BRINP1: variants seen among roughly 807,000 people sequenced by gnomAD.
BRINP1 encodes BMP/retinoic acid-inducible neural-specific protein 1.
A neutral mutation model predicts 72.9 loss-of-function variants in BRINP1; 17 were observed. The observed-to-expected ratio is 0.23, with a 90% CI of 0.16 to 0.35. The LOEUF is 0.35. Ranked by LOEUF, BRINP1 falls within the 10% of genes least tolerant of loss-of-function variation. BRINP1 has a pLI of 1.00. For synonymous variants in BRINP1, 418 were observed against 378.5 expected, an observed-to-expected ratio of 1.10 and a Z score of -1.21; for missense variants, 850 against 1,001.6, an observed-to-expected ratio of 0.85 and a Z score of 2.04.
At chr9:119,223,771 T>A (rs1480966096) in intron 5 of BRINP1, among the ~76,000 whole-genome samples, 1 of 152,066 alleles carries the variant, frequency 6.6e-6, no homozygotes, top group African/African-American at 2.4e-5. Flanking sequence ...TTTCACAATA[T>A]TACAGCTTGA....
At chr9:119,185,934 G>A (rs940965816) in intron 7 of BRINP1, among the ~76,000 whole-genome samples, 6 of 152,204 alleles carry the variant, frequency 3.9e-5, no homozygotes, top group African/African-American at 7.2e-5. Flanking sequence ...TAGCCACTGC[G>A]CTTCTCCATC....
Position 119,267,198 on chromosome 9 carries a change from A to G in BRINP1, c.219-18048T>C, listed in dbSNP as rs78455174. Among the ~76,000 whole-genome samples the G allele has an allele frequency of 7.2e-3, 1,104 of 152,366 alleles. 10 individuals are homozygous for G. The highest frequency in any genetic ancestry group is 0.012 in the Non-Finnish European group (799 of 68,038). ...TTGCTGATGTGGAATATGAAAGAAA[A>G]AGAAGAATCATGGATACTTACTTGC... On this transcript the variant is annotated intron_variant, in intron 2 of 7. Transcript: ENST00000265922.
chr9:119,367,221 G>GTGTGTGTGATATATAT (rs1564259756), intron 1 of BRINP1, among the ~76,000 whole-genome samples: 1 of 99,850 alleles, frequency 1.0e-5, no homozygotes, highest in Non-Finnish European at 1.9e-5. Context: ...GTGTGTGATT[G>GTGTGTGTGATATATAT]ATATATATAT....
intron 1 of BRINP1, among the ~76,000 whole-genome samples, chr9:119,352,520 G>T (rs1831516697): frequency 6.6e-6 from 1 of 152,066 alleles, no homozygotes; most frequent in Non-Finnish European, 1.5e-5. Flanking sequence ...TGAACCTCCT[G>T]CCTCAGCTTC....
intron 2 of BRINP1, among the ~76,000 whole-genome samples, chr9:119,308,106 C>G (rs1219488712): frequency 6.6e-6 from 1 of 152,208 alleles, no homozygotes; most frequent in Non-Finnish European, 1.5e-5. Flanking sequence ...TAGCAATTAA[C>G]TTATCACTGT....
In BRINP1 at chr9:119,249,090, A is replaced by T; in HGVS notation, c.279T>A (p.His93Gln). ...TAIERRDLVR[H>Q]PVPLMPEFQR... is the part of the protein sequence containing the mutation. Reference sequence around the variant, plus strand: ...GAAACTCCGGCATGAGGGGCACTGGATGGCGGACCAGATCTCTCCTCTCGA... The same window carrying T: ...GAAACTCCGGCATGAGGGGCACTGGTTGGCGGACCAGATCTCTCCTCTCGA... Residue 93 changes from histidine to glutamine, a missense_variant, in exon 3 of 8, where the codon CAT becomes CAA. His to Gln is a conservative substitution (Grantham distance 24, BLOSUM62 0). Transcript: ENST00000265922. The T allele has an allele frequency of 6.2e-7, 1 of 1,614,046 alleles. No homozygotes were observed. Among genetic ancestry groups the T allele is most frequent in the Non-Finnish European group, 8.5e-7 (1 of 1,179,996 alleles).
chr9:119,264,125 T>A (rs1221132), intron 2 of BRINP1, among the ~76,000 whole-genome samples: 121,119 of 152,152 alleles, frequency 0.8, 51,882 homozygotes, highest in East Asian at 0.99. Flanking sequence ...TACTTCACCC[T>A]GTTTCATGCG....
At chr9:119,246,261 A>G (rs1273156474) in intron 3 of BRINP1, among the ~76,000 whole-genome samples, 1 of 152,200 alleles carries the variant, frequency 6.6e-6, no homozygotes, top group African/African-American at 2.4e-5. Context: ...GGGTGTTGCC[A>G]AAGGAGATTA....
At chr9:119,303,264 A>AC (rs1006486520) in intron 2 of BRINP1, among the ~76,000 whole-genome samples, 11 of 144,830 alleles carry the variant, frequency 7.6e-5, no homozygotes, top group Middle Eastern at 3.5e-3. Flanking sequence ...AGTTACCTAC[A>AC]CCCCCCACCC....
chr9:119,205,884 TC>T (rs1488078095), intron 7 of BRINP1, among the ~76,000 whole-genome samples: 4 of 152,146 alleles, frequency 2.6e-5, no homozygotes, highest in Non-Finnish European at 5.9e-5. Context: ...CAGATTTGCA[TC>T]GAGCTTCGTT....
chr9:119,286,636 G>C (rs1234349434), intron 2 of BRINP1, among the ~76,000 whole-genome samples: 1 of 152,210 alleles, frequency 6.6e-6, no homozygotes, highest in Non-Finnish European at 1.5e-5. Context: ...ATGAAATTTT[G>C]ATGTAGCTGT....
intron 2 of BRINP1, among the ~76,000 whole-genome samples, chr9:119,282,623 C>A (rs1588190267): frequency 6.6e-6 from 1 of 152,110 alleles, no homozygotes; most frequent in Non-Finnish European, 1.5e-5. Flanking sequence ...AAGCCCATCT[C>A]CACTGTTATT....
intron 7 of BRINP1, among the ~76,000 whole-genome samples, chr9:119,195,539 T>G (rs1049629357): frequency 6.6e-6 from 1 of 152,200 alleles, no homozygotes; most frequent in Non-Finnish European, 1.5e-5. Context: ...AACTTTAAAG[T>G]AATCTATACA....
intron 6 of BRINP1, 111 bp downstream of exon 6, chr9:119,213,808 G>C: frequency 1.1e-6 from 1 of 908,800 alleles, no homozygotes; most frequent in Non-Finnish European, 1.8e-6. Context: ...AAGTGAAAGG[G>C]TCAGGGTCAC....
intron 2 of BRINP1, among the ~76,000 whole-genome samples, chr9:119,274,267 G>T (rs776423938): frequency 3.3e-5 from 5 of 152,230 alleles, no homozygotes; most frequent in African/African-American, 4.8e-5. Flanking sequence ...TGAAAGGAGA[G>T]TAGAAGGAGA....
chr9:119,298,504 A>G (rs954596656), intron 2 of BRINP1, among the ~76,000 whole-genome samples: 5 of 152,092 alleles, frequency 3.3e-5, no homozygotes, highest in African/African-American at 1.2e-4. Context: ...GTGTTCAATA[A>G]CCAACTTTCA....
chr9:119,293,107 G>A (rs1830838634), intron 2 of BRINP1, among the ~76,000 whole-genome samples: 1 of 151,952 alleles, frequency 6.6e-6, no homozygotes, highest in Non-Finnish European at 1.5e-5. Flanking sequence ...AAGGTGATAT[G>A]GCTTCTTATG....
intron 2 of BRINP1, among the ~76,000 whole-genome samples, chr9:119,281,333 G>A (rs532895004): frequency 1.3e-4 from 20 of 151,872 alleles, no homozygotes; most frequent in Admixed American, 6.5e-4. Flanking sequence ...CTGCTTTTGC[G>A]GAAGAACTAC....
intron 2 of BRINP1, among the ~76,000 whole-genome samples, chr9:119,292,425 C>T (rs1053500323): frequency 6.6e-6 from 1 of 152,158 alleles, no homozygotes; most frequent in African/African-American, 2.4e-5. Context: ...TAACACCATA[C>T]AATTAGCACC....
Sources: allele counts gnomAD v4.1 joint callset (sites outside exome capture counted in the v4.1 genomes callset), GRCh38; gene constraint gnomAD v4.1.1; transcripts MANE v1.5; gene names NCBI Gene and HGNC (gene_info 2026-07-23, HGNC 2026-07-21).